FOXP1: variants seen among roughly 807,000 people sequenced by gnomAD.
FOXP1 encodes the protein forkhead box protein P1.
FOXP1 carries 15 observed loss-of-function variants against 98.2 expected under a neutral mutation model. That is an observed-to-expected ratio of 0.15 (90% confidence interval 0.10 to 0.24). The LOEUF (loss-of-function observed/expected upper bound fraction) is 0.24. FOXP1 is among the 10% of genes least tolerant of loss of function. FOXP1 has a pLI of 1.00. For synonymous variants in FOXP1, 371 were observed against 314.5 expected (o/e 1.18, Z -1.90); for missense variants, 633 against 848.5 (o/e 0.75, Z 3.15).
At chr3:70,988,956 TGAGA>T (rs1000155364) in intron 13 of FOXP1, among the ~76,000 whole-genome samples, 1 of 151,520 alleles carries the variant, frequency 6.6e-6, no homozygotes, top group Non-Finnish European at 1.5e-5. Flanking sequence ...GAGATTAATA[TGAGA>T]GAGAGAGAGG....
chr3:71,565,087 A>G (rs542734404), intron 2 of FOXP1, among the ~76,000 whole-genome samples: 25 of 152,354 alleles, frequency 1.6e-4, no homozygotes, highest in African/African-American at 6.0e-4. Context: ...CGACAGAGCA[A>G]GACTTTGTCT....
chr3:71,465,074 G>A (rs1342433622), intron 3 of FOXP1, among the ~76,000 whole-genome samples: 1 of 152,068 alleles, frequency 6.6e-6, no homozygotes. Context: ...TTGGGAGTCC[G>A]AGGTAGGCGG....
chr3:71,076,524 A>G (rs1409498026), intron 7 of FOXP1, among the ~76,000 whole-genome samples: 1 of 152,188 alleles, frequency 6.6e-6, no homozygotes, highest in Admixed American at 6.5e-5. Context: ...CATCTGAGCT[A>G]CTGGAATGGC....
chr3:71,119,443 T>C (rs1358991408), intron 6 of FOXP1, among the ~76,000 whole-genome samples: 12 of 152,148 alleles, frequency 7.9e-5, no homozygotes, highest in African/African-American at 2.7e-4. Context: ...CAAACCTGTT[T>C]TTCAGATAAT....
chr3:71,215,995 G>T (rs1277757339), intron 5 of FOXP1, among the ~76,000 whole-genome samples: 1 of 152,182 alleles, frequency 6.6e-6, no homozygotes, highest in Non-Finnish European at 1.5e-5. Flanking sequence ...ATAATTGCAG[G>T]TAGGATTAGC....
intron 5 of FOXP1, among the ~76,000 whole-genome samples, chr3:71,215,978 C>T (rs1009333016): frequency 6.6e-6 from 1 of 152,212 alleles, no homozygotes; most frequent in Admixed American, 6.5e-5. Flanking sequence ...CAAGAAGGTA[C>T]ATGCTAATAA....
intron 6 of FOXP1, among the ~76,000 whole-genome samples, chr3:71,118,061 C>T (rs1392900194): frequency 3.9e-5 from 6 of 152,174 alleles, no homozygotes; most frequent in African/African-American, 1.4e-4. Context: ...CCCATCTATG[C>T]CCGGATCTGC....
chr3:71,324,442 A>C (rs2075567523), intron 4 of FOXP1, among the ~76,000 whole-genome samples: 1 of 152,236 alleles, frequency 6.6e-6, no homozygotes, highest in Admixed American at 6.5e-5. Flanking sequence ...AGCCATAAAA[A>C]AGGATGAGTT....
chr3:71,311,871 T>C (rs2074709020), intron 4 of FOXP1, among the ~76,000 whole-genome samples: 1 of 152,182 alleles, frequency 6.6e-6, no homozygotes, highest in South Asian at 2.1e-4. Context: ...TCCTTTCCCA[T>C]GCCTCTCTTC....
chr3:71,420,335 T>C (rs1480717733), intron 3 of FOXP1, among the ~76,000 whole-genome samples: 2 of 151,982 alleles, frequency 1.3e-5, no homozygotes, highest in African/African-American at 4.8e-5. Context: ...AAGAGTGACA[T>C]GGAAGGTGAT....
chr3:71,101,344 G>A (rs546344272), intron 7 of FOXP1, among the ~76,000 whole-genome samples: 2 of 152,262 alleles, frequency 1.3e-5, no homozygotes, highest in Non-Finnish European at 2.9e-5. Flanking sequence ...GTGTGTGAAG[G>A]TTCTAGAACA....
intron 6 of FOXP1, among the ~76,000 whole-genome samples, chr3:71,138,001 T>G (rs962919328): frequency 6.6e-6 from 1 of 152,064 alleles, no homozygotes; most frequent in Non-Finnish European, 1.5e-5. Flanking sequence ...CAAGATATAT[T>G]TATCTTTTCA....
At chr3:71,466,446 T>C (rs2088749638) in intron 3 of FOXP1, among the ~76,000 whole-genome samples, 3 of 152,230 alleles carry the variant, frequency 2.0e-5, no homozygotes, top group African/African-American at 4.8e-5. Flanking sequence ...ATGACATACA[T>C]TTCATTTTGT....
chr3:71,049,020 C>T (rs2049443142), intron 9 of FOXP1, among the ~76,000 whole-genome samples: 2 of 152,236 alleles, frequency 1.3e-5, no homozygotes, highest in South Asian at 4.2e-4. Context: ...AAAAGCAACA[C>T]CGGTTGCCAA....
At chr3:71,186,101 CTGAGAA>C (rs1446261976) in intron 6 of FOXP1, among the ~76,000 whole-genome samples, 1 of 152,194 alleles carries the variant, frequency 6.6e-6, no homozygotes, top group South Asian at 2.1e-4. Flanking sequence ...CAGGGTGATA[CTGAGAA>C]TAATATATTT....
At chr3:71,284,509 G>C (rs2071904244) in intron 5 of FOXP1, among the ~76,000 whole-genome samples, 1 of 152,110 alleles carries the variant, frequency 6.6e-6, no homozygotes, top group Non-Finnish European at 1.5e-5. Flanking sequence ...GCTGTAGTGA[G>C]CTATAATCAT....
rs17008134 is a variant in FOXP1, at chr3:71,015,416, C to T, written c.974+133G>A. On this transcript the variant is annotated intron_variant, in intron 12 of 20. Transcript: ENST00000649528. ...ACTATTCCTATGACAGTGCACTAGACCTTGTGATTTAGAGTCCACTCTCAA... is the reference window on the plus strand; with the variant it reads ...ACTATTCCTATGACAGTGCACTAGATCTTGTGATTTAGAGTCCACTCTCAA... 9.3e-3 allele frequency: 6,057 copies of T among 653,228 alleles called. 279 individuals are homozygous for T. In the African/African-American group the frequency reaches 0.098, roughly 11 times the overall value. The allele number at this position is 653,228 out of a possible 1,614,324, so 40.5% of individuals were successfully genotyped here.
At chr3:70,972,083 C>T (rs1346211117) in intron 18 of FOXP1, 6 of 1,527,498 alleles carry the variant, frequency 3.9e-6, no homozygotes, top group African/African-American at 1.4e-5. Context: ...ATGGCGGCCA[C>T]GTTTAAACTC....
chr3:71,221,413 T>C (rs1203463371), intron 5 of FOXP1, among the ~76,000 whole-genome samples: 1 of 152,156 alleles, frequency 6.6e-6, no homozygotes. Flanking sequence ...AGGTGGCTAA[T>C]GGTTTCAAGT....
Sources: allele counts gnomAD v4.1 joint callset (sites outside exome capture counted in the v4.1 genomes callset), GRCh38; gene constraint gnomAD v4.1.1; transcripts MANE v1.5; gene names NCBI Gene and HGNC (gene_info 2026-07-23, HGNC 2026-07-21).